Variants in SDC1 observed in about 807,000 individuals in gnomAD.
The protein encoded by SDC1 is syndecan-1.
SDC1 carries 14 observed loss-of-function variants against 29.7 expected under a neutral mutation model. That is an observed-to-expected ratio of 0.47 (90% confidence interval 0.31 to 0.74). The LOEUF (loss-of-function observed/expected upper bound fraction) is 0.74, where lower values mean the gene tolerates loss of function less well. SDC1 is among the 30% of genes least tolerant of loss of function. The probability of loss-of-function intolerance (pLI) is 0.05; values close to 1 mark genes in which losing one functional copy is unlikely to be tolerated. For missense variants in SDC1, 406 were observed against 400.3 expected, an observed-to-expected ratio of 1.01 and a Z score of -0.12; for synonymous variants, 204 against 175.5, an observed-to-expected ratio of 1.16 and a Z score of -1.29.
intron 4 of SDC1, 67 bp downstream of exon 4, chr2:20,203,020 T>G (rs954283301): frequency 1.1e-5 from 17 of 1,563,318 alleles, no homozygotes; most frequent in Non-Finnish European, 1.5e-5. Context: ...GCCTTGGCTG[T>G]GGTCAGCCCC....
rs1677137709 is a variant in SDC1 at position 20,203,849 on chromosome 2, G to A, written c.591C>T (p.Ser197=). The part of the protein sequence containing the change: ...ATERAAEDGA[S]SQLPAAEGSG... ...AGCCCTCTGCTGCTGGGAGCTGACT[G>A]GAGGCTCCATCCTCAGCAGCCCTCT... is the stretch of plus-strand genomic sequence containing the variant. The change falls in exon 3 of 5, where the codon TCC becomes TCT. Residue 197 remains serine (S), a synonymous_variant. Transcript: ENST00000254351. 6.2e-7 allele frequency: 1 copy of A among 1,604,036 alleles called. No homozygotes were observed. Among genetic ancestry groups the A allele is most frequent in the African/African-American group, 1.4e-5 (1 of 73,918 alleles).
chr2:20,222,065 G>T (rs1677839340), intron 1 of SDC1, among the ~76,000 whole-genome samples: 1 of 151,446 alleles, frequency 6.6e-6, no homozygotes, highest in Non-Finnish European at 1.5e-5. Context: ...TTTCTTACAT[G>T]GCAGAAACAA....
intron 1 of SDC1, among the ~76,000 whole-genome samples, chr2:20,221,131 C>T (rs1436043808): frequency 6.6e-6 from 1 of 152,288 alleles, no homozygotes; most frequent in South Asian, 2.1e-4. Flanking sequence ...GGGGAGACTG[C>T]AACAGGTCCC....
At chr2:20,203,495 C>T (rs1332277132) in intron 3 of SDC1, among the ~76,000 whole-genome samples, 2 of 152,202 alleles carry the variant, frequency 1.3e-5, no homozygotes, top group African/African-American at 2.4e-5. Flanking sequence ...TAGTGTAAAG[C>T]GTAAAATTCC....
At chr2:20,210,298 G>A (rs1454847634) in intron 1 of SDC1, among the ~76,000 whole-genome samples, 1 of 152,196 alleles carries the variant, frequency 6.6e-6, no homozygotes, top group East Asian at 1.9e-4. Flanking sequence ...CCAAGATCAC[G>A]CCAGGAGCTT....
At chr2:20,203,637 T>C (rs1677123648) in intron 3 of SDC1, among the ~76,000 whole-genome samples, 176 bp downstream of exon 3, 2 of 152,190 alleles carry the variant, frequency 1.3e-5, no homozygotes, top group African/African-American at 2.4e-5. Flanking sequence ...TCTGATCTCA[T>C]AGTTAGTCTG....
Position 20,202,363 on chromosome 2 carries a change from T to C in SDC1, c.*403A>G. On this transcript the variant is annotated 3_prime_UTR_variant, in exon 5 of 5. Transcript: ENST00000254351. Reference sequence around the variant, plus strand: ...GATGCTTGGTCCTACCAGTAAGTGCTACAGGTGTGTGAGCCCCAAGCCCCA... The same window carrying C: ...GATGCTTGGTCCTACCAGTAAGTGCCACAGGTGTGTGAGCCCCAAGCCCCA... 1 of 755,088 alleles carries C rather than the reference T, an allele frequency of 1.3e-6. No homozygotes were observed. Among genetic ancestry groups the C allele is most frequent in the Non-Finnish European group, 2.5e-6 (1 of 407,346 alleles). 46.8% of individuals were successfully genotyped at this position (755,088 alleles called of 1,614,324 possible). A position where few individuals can be genotyped will look rare whatever the true frequency, so the allele number is the denominator to read the frequency against.
intron 1 of SDC1, among the ~76,000 whole-genome samples, chr2:20,222,029 A>C (rs1677838273): frequency 6.6e-6 from 1 of 152,224 alleles, no homozygotes; most frequent in East Asian, 1.9e-4. Context: ...GAAAAATAGC[A>C]AATAACTATT....
Position 20,202,752 on chromosome 2 carries a change from G to C in SDC1, c.*14C>G, listed in dbSNP as rs200702752. The C allele has an allele frequency of 1.3e-6, 2 of 1,582,632 alleles. No individual in the cohort carries two copies. The highest frequency in any genetic ancestry group is 2.7e-5 in the African/African-American group (2 of 74,182). On this transcript the variant is annotated 3_prime_UTR_variant, in exon 5 of 5. Coordinates refer to ENST00000254351, the MANE Select transcript of SDC1 (RefSeq NM_002997.5). ...TAGTGAGTGGCAGGGCGGAGGGGGC[G>C]CATGGCTCCCGCGTCAGGCATAGAA... is the stretch of plus-strand genomic sequence containing the variant.
chr2:20,207,255 T>A (rs1677304506), intron 1 of SDC1: 1 of 216,690 alleles, frequency 4.6e-6, no homozygotes, highest in Non-Finnish European at 7.9e-6. Flanking sequence ...GAAATAACAC[T>A]GAACTTCCTT....
chr2:20,225,000 G>T lies in SDC1; in HGVS notation c.-133C>A, dbSNP rs2148300815. The T allele has an allele frequency of 2.7e-6, 3 of 1,115,434 alleles. No homozygotes were observed. Among genetic ancestry groups the T allele is most frequent in the Admixed American group, 9.3e-5 (2 of 21,448 alleles). The allele number at this position is 1,115,434 out of a possible 1,614,324, so 69.1% of individuals were successfully genotyped here. ...CCGCTGTCCCAGGCGAGGGCTGCAG[G>T]GTCCGCCGGCTGGAGTCCGCTCTCT... On this transcript the variant is annotated 5_prime_UTR_variant, in exon 1 of 5. Coordinates refer to ENST00000254351, the MANE Select transcript of SDC1 (RefSeq NM_002997.5). The surrounding 1 kb of genome is among the most constrained non-coding windows in gnomAD (Gnocchi z 4.9).
intron 1 of SDC1, among the ~76,000 whole-genome samples, chr2:20,211,771 G>A (rs545053246): frequency 6.6e-6 from 1 of 152,250 alleles, no homozygotes; most frequent in African/African-American, 2.4e-5. Flanking sequence ...GGGCACGGGA[G>A]AAAAAGCTGC....
In SDC1 at chr2:20,204,074, G is replaced by T; in HGVS notation, c.366C>A (p.Thr122=). Residue 122 remains threonine (T), a synonymous_variant, in exon 3 of 5, where the codon ACC becomes ACA. Coordinates refer to ENST00000254351, the MANE Select transcript of SDC1 (RefSeq NM_002997.5). ...PGLTAREQEA[T]PRPRETTQLP... ...GCTGTGTGGTCTCCCTGGGTCGGGG[G>T]GTGGCCTCCTGCTCCCGGGCGGTGA... The T allele has an allele frequency of 6.2e-7, 1 of 1,611,352 alleles. No individual in the cohort carries two copies.
At chr2:20,214,456 A>G (rs1436049117) in intron 1 of SDC1, among the ~76,000 whole-genome samples, 1 of 152,052 alleles carries the variant, frequency 6.6e-6, no homozygotes, top group African/African-American at 2.4e-5. Context: ...GAAGAGGGAG[A>G]AGCCACCTGG....
intron 1 of SDC1, among the ~76,000 whole-genome samples, chr2:20,211,726 G>A (rs1311787910): frequency 1.3e-5 from 2 of 152,254 alleles, no homozygotes; most frequent in African/African-American, 4.8e-5. Context: ...CAGGCTGCAG[G>A]GCCTGGTCCT....
chr2:20,215,231 T>C (rs141437858), intron 1 of SDC1, among the ~76,000 whole-genome samples: 11 of 152,344 alleles, frequency 7.2e-5, no homozygotes, highest in South Asian at 4.1e-4. Flanking sequence ...CCGTGCCCCA[T>C]TGCTAGGGGT....
At chr2:20,218,764 C>T (rs1006308666) in intron 1 of SDC1, among the ~76,000 whole-genome samples, 3 of 151,496 alleles carry the variant, frequency 2.0e-5, no homozygotes, top group African/African-American at 7.3e-5. Context: ...GATGCATGGA[C>T]ACACACACAG....
At position 20,203,827 on chromosome 2, in the gene SDC1, C is replaced by A; in HGVS notation, c.613G>T (p.Gly205Cys). 2 of 1,592,604 alleles carry A rather than the reference C, an allele frequency of 1.3e-6. No homozygotes were observed. The highest frequency in any genetic ancestry group is 1.7e-6 in the Non-Finnish European group (2 of 1,172,978). Residue 205 changes from glycine (G) to cysteine (C), a missense_variant, in exon 3 of 5, where the codon GGC (glycine) becomes TGC (cysteine). Coordinates refer to ENST00000254351, the MANE Select transcript of SDC1 (RefSeq NM_002997.5). ...GASSQLPAAE[G>C]SGEQDFTFET... is the part of the protein sequence containing the mutation. ...AGGCCACTCACCTGCTCCCCAGAGC[C>A]CTCTGCTGCTGGGAGCTGACTGGAG... is the stretch of plus-strand genomic sequence containing the variant.
At chr2:20,211,235 C>T (rs1408852251) in intron 1 of SDC1, among the ~76,000 whole-genome samples, 1 of 152,156 alleles carries the variant, frequency 6.6e-6, no homozygotes, top group Non-Finnish European at 1.5e-5. Context: ...TTCACAAGCC[C>T]CAGGTCCTGT....
Sources: gnomAD v4.1 joint callset for allele counts (sites outside exome capture counted in the v4.1 genomes callset) on GRCh38, gnomAD v4.1.1 for gene constraint, Gnocchi (gnomAD v3.1) non-coding constraint, MANE v1.5 for transcripts, NCBI Gene and HGNC (gene_info 2026-07-23, HGNC 2026-07-21) for gene names.